The following NPAS3 variants were observed in gnomAD, a reference collection of about 807,000 sequenced individuals.
The protein encoded by NPAS3 is neuronal PAS domain-containing protein 3.
NPAS3 carries 14 observed loss-of-function variants against 73.1 expected under a neutral mutation model. The ratio of observed to expected loss-of-function variants is 0.19; its 90% CI spans 0.13 to 0.30. NPAS3 has a LOEUF of 0.30. Among genes scored for constraint, NPAS3 ranks in the 10% least tolerant of loss-of-function variants. The pLI, the probability that NPAS3 is intolerant of heterozygous loss-of-function variation, is 1.00. For synonymous variants in NPAS3, 620 were observed against 541.5 expected (o/e 1.14, Z -2.01); for missense variants, 1,096 against 1,250.0 (o/e 0.88, Z 1.86).
At chr14:33,523,517 C>G (rs377424711) in intron 4 of NPAS3, among the ~76,000 whole-genome samples, 23 of 149,548 alleles carry the variant, frequency 1.5e-4, no homozygotes, top group African/African-American at 5.7e-4. Context: ...AATCCCAGCA[C>G]TTTGGGAGGC....
chr14:33,682,261 G>A (rs560515394), intron 6 of NPAS3, among the ~76,000 whole-genome samples: 9 of 152,206 alleles, frequency 5.9e-5, no homozygotes, highest in Middle Eastern at 3.4e-3. Context: ...GCAATGATCG[G>A]GACAAGTTCA....
intron 5 of NPAS3, among the ~76,000 whole-genome samples, chr14:33,588,620 G>T (rs1219153664): frequency 6.6e-6 from 1 of 152,096 alleles, no homozygotes; most frequent in Non-Finnish European, 1.5e-5. Context: ...AAAAGATTTT[G>T]TTGTTGCTGC....
chr14:33,199,497 G>A (rs1395394759), intron 2 of NPAS3, among the ~76,000 whole-genome samples: 1 of 152,140 alleles, frequency 6.6e-6, no homozygotes, highest in East Asian at 1.9e-4. Flanking sequence ...CAGGCTCTTG[G>A]CTGCTGCTGC....
intron 3 of NPAS3, among the ~76,000 whole-genome samples, chr14:33,347,699 G>C (rs1000015296): frequency 3.3e-5 from 5 of 152,106 alleles, no homozygotes; most frequent in Non-Finnish European, 2.9e-5. Context: ...ATATAAAATG[G>C]TATAGTATTT....
intron 2 of NPAS3, among the ~76,000 whole-genome samples, chr14:33,196,439 C>T (rs375866190): frequency 6.6e-6 from 1 of 152,142 alleles, no homozygotes; most frequent in African/African-American, 2.4e-5. Flanking sequence ...TTCAACAGGC[C>T]ATCTCTCTCT....
intron 1 of NPAS3, among the ~76,000 whole-genome samples, chr14:32,997,230 T>G (rs1459514090): frequency 2.0e-5 from 3 of 152,214 alleles, no homozygotes; most frequent in Non-Finnish European, 4.4e-5. Context: ...CTCCATTGTT[T>G]CTAGGAAGTA....
chr14:33,497,682 T>G (rs1224298636), intron 4 of NPAS3, among the ~76,000 whole-genome samples: 1 of 152,136 alleles, frequency 6.6e-6, no homozygotes, highest in African/African-American at 2.4e-5. Flanking sequence ...CCTTACACTT[T>G]ATACAAAAAT....
intron 4 of NPAS3, among the ~76,000 whole-genome samples, chr14:33,376,511 G>A (rs529025054): frequency 9.2e-5 from 14 of 152,096 alleles, no homozygotes; most frequent in South Asian, 8.3e-4. Flanking sequence ...TGAGTCCTTC[G>A]TTCAATAGGT....
intron 2 of NPAS3, among the ~76,000 whole-genome samples, chr14:33,178,308 C>T (rs912306100): frequency 6.6e-6 from 1 of 151,986 alleles, no homozygotes; most frequent in African/African-American, 2.4e-5. Flanking sequence ...CTCTTGACCT[C>T]GTGATCTGCC....
chr14:33,563,507 T>TACTCATACACACACACACAC (rs1182713708), intron 5 of NPAS3, among the ~76,000 whole-genome samples: 1 of 49,412 alleles, frequency 2.0e-5, no homozygotes, highest in Non-Finnish European at 4.0e-5. Context: ...CTTTGCCAGA[T>TACTCATACACACACACACAC]ACACATACAT....
chr14:33,331,103 G>A (rs944627881), intron 3 of NPAS3, among the ~76,000 whole-genome samples: 1 of 152,110 alleles, frequency 6.6e-6, no homozygotes, highest in Non-Finnish European at 1.5e-5. Context: ...CGTTTTATAT[G>A]CTGCATCGTA....
chr14:33,436,877 AAAC>A (rs570366254), intron 4 of NPAS3, among the ~76,000 whole-genome samples: 21 of 152,322 alleles, frequency 1.4e-4, no homozygotes, highest in African/African-American at 4.8e-4. Flanking sequence ...TAATTAGGAA[AAAC>A]AACAACTCTT....
intron 3 of NPAS3, among the ~76,000 whole-genome samples, chr14:33,257,664 ATCT>A (rs1307837361): frequency 6.6e-6 from 1 of 152,226 alleles, no homozygotes; most frequent in Non-Finnish European, 1.5e-5. Context: ...TCCTCAAAAC[ATCT>A]TCTGTGCATT....
At chr14:33,420,985 G>A (rs541658458) in intron 4 of NPAS3, among the ~76,000 whole-genome samples, 24 of 152,012 alleles carry the variant, frequency 1.6e-4, no homozygotes, top group Admixed American at 7.2e-4. Context: ...TCATTGAGCC[G>A]TCCTCTGTGT....
chr14:33,446,203 C>G (rs1290656385), intron 4 of NPAS3, among the ~76,000 whole-genome samples: 1 of 140,610 alleles, frequency 7.1e-6, no homozygotes, highest in Admixed American at 7.4e-5. Flanking sequence ...GAGTCTCGCT[C>G]TGTCGCCCAG....
intron 5 of NPAS3, among the ~76,000 whole-genome samples, chr14:33,642,725 G>T (rs2058707829): frequency 6.6e-6 from 1 of 152,148 alleles, no homozygotes; most frequent in South Asian, 2.1e-4. Context: ...TAATTAGCAG[G>T]AAAACTTTAC....
intron 6 of NPAS3, among the ~76,000 whole-genome samples, chr14:33,678,306 C>T (rs2059826983): frequency 6.6e-6 from 1 of 152,158 alleles, no homozygotes; most frequent in Non-Finnish European, 1.5e-5. Context: ...TTCGCTGCAA[C>T]TTCCCACTGA....
intron 9 of NPAS3, among the ~76,000 whole-genome samples, chr14:33,792,041 T>C (rs541888992): frequency 3.9e-5 from 6 of 152,062 alleles, no homozygotes; most frequent in Non-Finnish European, 7.4e-5. Context: ...GTTAACCAGG[T>C]TGAGAGGATT....
intron 2 of NPAS3, among the ~76,000 whole-genome samples, chr14:33,059,566 T>A (rs1279383593): frequency 6.6e-6 from 1 of 152,196 alleles, no homozygotes; most frequent in African/African-American, 2.4e-5. Context: ...TGCTAAGTAT[T>A]ACAAATTTTG....
Sources: gnomAD v4.1 joint callset for allele counts (sites outside exome capture counted in the v4.1 genomes callset) on GRCh38, gnomAD v4.1.1 for gene constraint, MANE v1.5 for transcripts, NCBI Gene and HGNC (gene_info 2026-07-23, HGNC 2026-07-21) for gene names.